Variants in PEX5L observed in about 807,000 individuals in gnomAD.
PEX5L encodes PEX5-related protein.
A neutral mutation model predicts 84.0 loss-of-function variants in PEX5L; 30 were observed. The ratio of observed to expected loss-of-function variants is 0.36; its 90% CI spans 0.27 to 0.48. PEX5L has a LOEUF of 0.48. Among genes scored for constraint, PEX5L ranks in the 20% least tolerant of loss-of-function variants. PEX5L has a pLI of 0.99. For synonymous variants in PEX5L, 270 were observed against 283.1 expected (o/e 0.95, Z 0.46); for missense variants, 533 against 754.6 (o/e 0.71, Z 3.44).
chr3:179,882,147 C>T (rs1053711648), intron 4 of PEX5L, among the ~76,000 whole-genome samples: 2 of 152,196 alleles, frequency 1.3e-5, no homozygotes, highest in African/African-American at 2.4e-5. Context: ...ATGCCATATA[C>T]ATCTTTTTAC....
chr3:179,953,519 G>C (rs1779678169), intron 2 of PEX5L, among the ~76,000 whole-genome samples: 1 of 152,138 alleles, frequency 6.6e-6, no homozygotes, highest in African/African-American at 2.4e-5. Context: ...TTGCATGCAG[G>C]TGTAACCAAG....
chr3:179,905,547 C>A (rs1319460129), intron 2 of PEX5L, among the ~76,000 whole-genome samples: 1 of 152,174 alleles, frequency 6.6e-6, no homozygotes, highest in African/African-American at 2.4e-5. Flanking sequence ...GCGTGAGCCA[C>A]CGCGCCCCGC....
rs756770418 is a variant in PEX5L, at chr3:179,802,081, A to G, written c.1677-49T>C. 9 of 1,332,066 alleles carry G rather than the reference A, an allele frequency of 6.8e-6. No individual in the cohort carries two copies. In the Admixed American group the frequency reaches 1.3e-4, roughly 20 times the overall value. The allele number at this position is 1,332,066 out of a possible 1,614,324, so 82.5% of individuals were successfully genotyped here. On this transcript the variant is annotated intron_variant, in intron 14 of 14. Transcript: ENST00000467460. ...TTAAAATGAGTCACATTTCAGAGTT[A>G]GCAAATGTAAACAAAACAAAACAAA...
intron 8 of PEX5L, among the ~76,000 whole-genome samples, chr3:179,851,161 G>T (rs1741692720): frequency 6.6e-6 from 1 of 152,168 alleles, no homozygotes; most frequent in Non-Finnish European, 1.5e-5. Flanking sequence ...AGTAAAGAAA[G>T]TCACTGTCAG....
chr3:179,909,946 C>T (rs1764604623), intron 2 of PEX5L, among the ~76,000 whole-genome samples: 1 of 152,178 alleles, frequency 6.6e-6, no homozygotes, highest in African/African-American at 2.4e-5. Context: ...ATTTCTATGG[C>T]TTAAGCCACC....
In PEX5L at chr3:179,887,748, T is replaced by C. The variant is rs752179731; in HGVS notation, c.235A>G (p.Ser79Gly). The change falls in exon 4 of 15, where the codon AGT (serine) becomes GGT (glycine). Residue 79 changes from serine to glycine, a missense_variant. Physicochemically the swap from Ser to Gly is moderately conservative, Grantham distance 56 (BLOSUM62 0). Coordinates refer to ENST00000467460, the MANE Select transcript of PEX5L (RefSeq NM_016559.3). ...CAGAGAAAGTCATCGATGGAGGGAC[T>C]CAGGAGGGGTCTGCTTTCTTGTTGC... ...NEQQESRPLL[S>G]PSIDDFLCET... is the part of the protein sequence containing the mutation. 1.9e-6 allele frequency: 3 copies of C among 1,613,818 alleles called. No homozygotes were observed. Among genetic ancestry groups the C allele is most frequent in the Admixed American group, 1.7e-5 (1 of 59,992 alleles).
intron 7 of PEX5L, among the ~76,000 whole-genome samples, chr3:179,859,787 C>T (rs1363923155): frequency 6.6e-6 from 1 of 152,126 alleles, no homozygotes; most frequent in South Asian, 2.1e-4. Context: ...ACTGCTTTGC[C>T]ACAATTAATA....
In PEX5L at chr3:179,795,026, T is replaced by G. The variant is rs2108574502; in HGVS notation, c.*6802A>C. The G allele has an allele frequency of 6.6e-6, 1 of 152,344 alleles. No individual in the cohort carries two copies. The highest frequency in any genetic ancestry group is 2.4e-5 in the African/African-American group (1 of 41,590). 9.4% of individuals were successfully genotyped at this position (152,344 alleles called of 1,614,324 possible). A position where few individuals can be genotyped will look rare whatever the true frequency, so the allele number is the denominator to read the frequency against. Reference sequence around the variant, plus strand: ...TTTCAGGTTAAATAATATTTTAGTCTTAAAAAATTAACAAAGGAGGAAGAT... The same window carrying G: ...TTTCAGGTTAAATAATATTTTAGTCGTAAAAAATTAACAAAGGAGGAAGAT... On this transcript the variant is annotated 3_prime_UTR_variant, in exon 15 of 15. Transcript: ENST00000467460.
At chr3:179,967,235 T>C (rs1246409842) in intron 2 of PEX5L, among the ~76,000 whole-genome samples, 1 of 152,108 alleles carries the variant, frequency 6.6e-6, no homozygotes, top group Non-Finnish European at 1.5e-5. Flanking sequence ...AGAAAGAGCA[T>C]GGGACTGGAT....
chr3:179,908,117 T>C (rs898387193), intron 2 of PEX5L, among the ~76,000 whole-genome samples: 9 of 152,242 alleles, frequency 5.9e-5, no homozygotes, highest in Non-Finnish European at 1.3e-4. Context: ...CTGGCACCTC[T>C]GCTTATCCAC....
intron 10 of PEX5L, among the ~76,000 whole-genome samples, chr3:179,813,447 T>G (rs1317118933): frequency 6.6e-6 from 1 of 152,200 alleles, no homozygotes; most frequent in Non-Finnish European, 1.5e-5. Flanking sequence ...GGGGGTGGCC[T>G]ATAGTTTCAT....
chr3:179,822,177 G>A (rs1728753925), intron 8 of PEX5L, among the ~76,000 whole-genome samples: 1 of 152,156 alleles, frequency 6.6e-6, no homozygotes, highest in Non-Finnish European at 1.5e-5. Context: ...GACTCCCATT[G>A]GGTGATACGA....
intron 2 of PEX5L, among the ~76,000 whole-genome samples, chr3:179,912,045 C>T (rs1043623905): frequency 3.3e-5 from 5 of 152,098 alleles, no homozygotes; most frequent in Non-Finnish European, 7.4e-5. Context: ...AAGACTAGAA[C>T]ACTTTGGTGG....
intron 4 of PEX5L, 33 bp downstream of exon 4, chr3:179,887,640 T>C (rs773614072): frequency 6.2e-6 from 8 of 1,295,440 alleles, no homozygotes; most frequent in Non-Finnish European, 9.0e-6. Context: ...AAATTAACTC[T>C]AGTTGAGGAA....
At chr3:179,894,887 A>G (rs1204123457) in intron 3 of PEX5L, among the ~76,000 whole-genome samples, 1 of 152,098 alleles carries the variant, frequency 6.6e-6, no homozygotes, top group Non-Finnish European at 1.5e-5. Flanking sequence ...GATATGGTCA[A>G]AAACAAAACT....
intron 1 of PEX5L, among the ~76,000 whole-genome samples, chr3:179,974,673 T>C (rs1785530569): frequency 6.6e-6 from 1 of 152,204 alleles, no homozygotes; most frequent in Admixed American, 6.5e-5. Flanking sequence ...GACGTATCTT[T>C]GTTAGTTCTT....
intron 2 of PEX5L, among the ~76,000 whole-genome samples, chr3:179,939,315 G>C (rs768815405): frequency 3.3e-5 from 5 of 152,164 alleles, no homozygotes; most frequent in Non-Finnish European, 7.3e-5. Flanking sequence ...GGCTCTCAAA[G>C]TATGGTTCCT....
At chr3:179,952,065 C>T (rs1361122556) in intron 2 of PEX5L, among the ~76,000 whole-genome samples, 4 of 152,100 alleles carry the variant, frequency 2.6e-5, no homozygotes, top group Non-Finnish European at 5.9e-5. Flanking sequence ...TCTTTGAATG[C>T]AAAAGTAATG....
At chr3:179,931,494 T>C (rs1380987112) in intron 2 of PEX5L, among the ~76,000 whole-genome samples, 1 of 152,210 alleles carries the variant, frequency 6.6e-6, no homozygotes, top group Non-Finnish European at 1.5e-5. Flanking sequence ...CAATTATTTA[T>C]AATGATAGAA....
Sources: allele counts gnomAD v4.1 joint callset (sites outside exome capture counted in the v4.1 genomes callset), GRCh38; gene constraint gnomAD v4.1.1; transcripts MANE v1.5; gene names NCBI Gene and HGNC (gene_info 2026-07-23, HGNC 2026-07-21).